Variants in AIM2 observed in about 807,000 individuals in gnomAD.
AIM2 encodes the protein interferon-inducible protein AIM2.
Under a neutral mutation model 27.7 loss-of-function variants are expected in AIM2, and 30 were observed. That is an observed-to-expected ratio of 1.08 (90% CI 0.81 to 1.47). AIM2 has a LOEUF of 1.47. Among genes scored for constraint, AIM2 ranks in the 40% most tolerant of loss-of-function variants. The pLI is 0.00. For synonymous variants in AIM2, 141 were observed against 145.3 expected, an observed-to-expected ratio of 0.97 and a Z score of 0.21; for missense variants, 358 against 411.3, an observed-to-expected ratio of 0.87 and a Z score of 1.12.
chr1:159,062,970 T>G (rs1571917292), intron 5 of AIM2, among the ~76,000 whole-genome samples: 1 of 152,278 alleles, frequency 6.6e-6, no homozygotes, highest in East Asian at 1.9e-4. Flanking sequence ...CTTACAGAGA[T>G]AGCAGGCAGT....
At chr1:159,129,751 C>G (rs561163089) in intron 1 of AIM2, among the ~76,000 whole-genome samples, 1 of 152,308 alleles carries the variant, frequency 6.6e-6, no homozygotes, top group South Asian at 2.1e-4. Context: ...AAATACTAAA[C>G]TATCTATTGA....
At chr1:159,102,060 G>A (rs2102019017) in intron 1 of AIM2, among the ~76,000 whole-genome samples, 1 of 152,322 alleles carries the variant, frequency 6.6e-6, no homozygotes, top group Middle Eastern at 3.4e-3. Context: ...CAGTGGCCTA[G>A]GAGGGAAAAA....
At chr1:159,114,975 T>C (rs1400560751) in intron 1 of AIM2, among the ~76,000 whole-genome samples, 1 of 152,112 alleles carries the variant, frequency 6.6e-6, no homozygotes, top group East Asian at 1.9e-4. Flanking sequence ...GATAGGCAAC[T>C]TCAGCAAAGT....
chr1:159,087,136 A>C (rs946209912), intron 1 of AIM2, among the ~76,000 whole-genome samples: 1 of 152,150 alleles, frequency 6.6e-6, no homozygotes, highest in African/African-American at 2.4e-5. Flanking sequence ...GTACTTTCTC[A>C]TTCTTACTTC....
At chr1:159,140,664 A>C (rs1648094994), upstream of AIM2, among the ~76,000 whole-genome samples, 1 of 152,096 alleles carries the variant, frequency 6.6e-6, no homozygotes. Context: ...CTAATAAGCT[A>C]GAGGTAGCAA....
At chr1:159,112,005 G>A (rs1490551349) in intron 1 of AIM2, among the ~76,000 whole-genome samples, 1 of 151,896 alleles carries the variant, frequency 6.6e-6, no homozygotes, top group Non-Finnish European at 1.5e-5. Flanking sequence ...TTGCCCCACT[G>A]CACTCCAGCC....
intron 1 of AIM2, among the ~76,000 whole-genome samples, chr1:159,123,824 C>T (rs776467114): frequency 3.9e-5 from 6 of 152,196 alleles, no homozygotes; most frequent in Admixed American, 6.5e-5. Flanking sequence ...TAAAGACCTA[C>T]GACCTGCCAC....
intron 1 of AIM2, among the ~76,000 whole-genome samples, chr1:159,121,246 G>C (rs373590859): frequency 6.5e-4 from 99 of 152,236 alleles, no homozygotes; most frequent in Middle Eastern, 6.8e-3. Context: ...CAAAAACCAT[G>C]TTTTCAATTC....
intron 1 of AIM2, among the ~76,000 whole-genome samples, chr1:159,127,744 C>G (rs935478290): frequency 6.6e-6 from 1 of 152,140 alleles, no homozygotes; most frequent in Non-Finnish European, 1.5e-5. Flanking sequence ...GGGCCCTCAC[C>G]ACACACTGTA....
At chr1:159,106,291 T>C (rs1373680098) in intron 1 of AIM2, among the ~76,000 whole-genome samples, 5 of 152,192 alleles carry the variant, frequency 3.3e-5, no homozygotes, top group African/African-American at 1.2e-4. Context: ...ACAGGCTCTG[T>C]GGAGCACATA....
chr1:159,135,155 C>T (rs1647990242), intron 1 of AIM2, among the ~76,000 whole-genome samples: 1 of 152,206 alleles, frequency 6.6e-6, no homozygotes, highest in Non-Finnish European at 1.5e-5. Context: ...TAGCACACAG[C>T]AGGTACTATA....
intron 1 of AIM2, among the ~76,000 whole-genome samples, chr1:159,120,550 T>C (rs1346183155): frequency 6.6e-6 from 1 of 152,226 alleles, no homozygotes; most frequent in Non-Finnish European, 1.5e-5. Flanking sequence ...TTAAGTATTC[T>C]TATTCCAGTT....
chr1:159,130,188 C>G (rs539256087), intron 1 of AIM2, among the ~76,000 whole-genome samples: 2 of 152,310 alleles, frequency 1.3e-5, no homozygotes, highest in Admixed American at 6.5e-5. Context: ...TCGCTTCTAC[C>G]TCCTCTGATG....
downstream of AIM2, among the ~76,000 whole-genome samples, chr1:159,059,483 C>T (rs1655763858): frequency 6.6e-6 from 1 of 152,184 alleles, no homozygotes; most frequent in African/African-American, 2.4e-5. Flanking sequence ...AGATGCCATA[C>T]TAAGATGTCA....
intron 1 of AIM2, among the ~76,000 whole-genome samples, chr1:159,126,648 CAAA>C (rs35354479): frequency 8.8e-6 from 1 of 113,678 alleles, no homozygotes; most frequent in Non-Finnish European, 1.7e-5. Context: ...GACTACGTCT[CAAA>C]AAAAAAAAAA....
chr1:159,132,338 T>G (rs1263377224), intron 1 of AIM2: 1 of 151,822 alleles, frequency 6.6e-6, no homozygotes, highest in Non-Finnish European at 1.5e-5. Context: ...GAGCGGAGAT[T>G]GCGCCATCGT....
At chr1:159,128,554 G>A (rs1046950759) in intron 1 of AIM2, among the ~76,000 whole-genome samples, 4 of 151,988 alleles carry the variant, frequency 2.6e-5, no homozygotes, top group Non-Finnish European at 4.4e-5. Flanking sequence ...TCCTCTATCC[G>A]ACTTCTTCAC....
At chr1:159,084,788 C>CACACAT in intron 1 of AIM2, among the ~76,000 whole-genome samples, 1 of 148,482 alleles carries the variant, frequency 6.7e-6, no homozygotes, top group Non-Finnish European at 1.5e-5. Flanking sequence ...TACACACACA[C>CACACAT]ACACACACAC....
chr1:159,079,997 T>C (rs1656738097), upstream of AIM2, among the ~76,000 whole-genome samples: 1 of 152,224 alleles, frequency 6.6e-6, no homozygotes, highest in Admixed American at 6.5e-5. Flanking sequence ...GATTCCTCCA[T>C]GGTTTTTCAT....
Sources: allele counts gnomAD v4.1 joint callset (sites outside exome capture counted in the v4.1 genomes callset), GRCh38; gene constraint gnomAD v4.1.1; transcripts MANE v1.5; gene names NCBI Gene and HGNC (gene_info 2026-07-23, HGNC 2026-07-21).